SLC1A7: variants seen among roughly 807,000 people sequenced by gnomAD.
SLC1A7 encodes excitatory amino acid transporter 5.
Under a neutral mutation model 47.7 loss-of-function variants are expected in SLC1A7, and 40 were observed. The ratio of observed to expected loss-of-function variants is 0.84; its 90% CI spans 0.65 to 1.09. SLC1A7 has a LOEUF of 1.09. Ranked by LOEUF, SLC1A7 falls within the 50% of genes least tolerant of loss-of-function variation. SLC1A7 has a pLI of 0.00. For synonymous variants in SLC1A7, 323 were observed against 325.6 expected, an observed-to-expected ratio of 0.99 and a Z score of 0.09; for missense variants, 746 against 769.5, an observed-to-expected ratio of 0.97 and a Z score of 0.36.
chr1:53,124,684 G>T (rs1238946045), intron 2 of SLC1A7, among the ~76,000 whole-genome samples: 1 of 151,988 alleles, frequency 6.6e-6, no homozygotes, highest in African/African-American at 2.4e-5. Flanking sequence ...GCACCTGCCG[G>T]GACCTGCTTT....
At chr1:53,090,452 G>C in intron 8 of SLC1A7, 160 bp downstream of exon 8, 1 of 1,179,574 alleles carries the variant, frequency 8.5e-7, no homozygotes, top group Non-Finnish European at 1.1e-6. Flanking sequence ...CTCCCTCCCG[G>C]GCTGTCCTCC....
chr1:53,103,752 A>G, intron 4 of SLC1A7, 184 bp from the exon 5 acceptor site: 3 of 499,708 alleles, frequency 6.0e-6, no homozygotes, highest in South Asian at 6.7e-5. Context: ...GAAAGCTGCA[A>G]CTCCTTCCTC....
rs748133017 is a variant in SLC1A7, at chr1:53,103,467, GC to G, written c.575del (p.Gly192AlafsTer11). ...CCAGGGCGAAGTTCTGCACATGGGA[GC>G]CATTCTCCTCCTGGACCCCGTAGAT... is the stretch of plus-strand genomic sequence containing the variant. ...ILIYGVQEENGSHVQNFALDL... is the reference protein window; with the variant it reads ...ILIYGVQEENXSHVQNFALDL... On this transcript the variant is annotated frameshift_variant, in exon 5 of 11. Transcript: ENST00000371494. LOFTEE classifies it high-confidence loss of function. 2.5e-6 allele frequency: 4 copies of G among 1,613,134 alleles called. No homozygotes were observed. In the South Asian group the frequency reaches 4.4e-5, roughly 18 times the overall value.
At chr1:53,100,215 A>C (rs997186193) in intron 5 of SLC1A7, among the ~76,000 whole-genome samples, 69 of 128,098 alleles carry the variant, frequency 5.4e-4, no homozygotes, top group Non-Finnish European at 9.8e-4. Context: ...CACACACCCC[A>C]CCTTGGTACA....
At chr1:53,136,369 A>C (rs1308153711) in intron 1 of SLC1A7, among the ~76,000 whole-genome samples, 1 of 147,106 alleles carries the variant, frequency 6.8e-6, no homozygotes, top group African/African-American at 2.5e-5. Flanking sequence ...AAATTTGTGT[A>C]TTTTAGTAGA....
At chr1:53,092,455 T>G in intron 7 of SLC1A7, 99 bp downstream of exon 7, 1 of 867,988 alleles carries the variant, frequency 1.2e-6, no homozygotes. Context: ...CACACTGGCG[T>G]TTTGGTGGTT....
intron 2 of SLC1A7, among the ~76,000 whole-genome samples, chr1:53,132,923 A>C (rs942912327): frequency 6.6e-6 from 1 of 152,166 alleles, no homozygotes; most frequent in Non-Finnish European, 1.5e-5. Flanking sequence ...TGAAGTATGG[A>C]GCTCACAGGA....
chr1:53,113,660 G>A (rs1257423273), intron 3 of SLC1A7, among the ~76,000 whole-genome samples: 1 of 151,988 alleles, frequency 6.6e-6, no homozygotes, highest in African/African-American at 2.4e-5. Flanking sequence ...CTGCAACTCT[G>A]ATCCCTGGTC....
intron 4 of SLC1A7, 106 bp downstream of exon 4, chr1:53,105,626 G>A (rs543117932): frequency 1.1e-6 from 1 of 909,472 alleles, no homozygotes; most frequent in African/African-American, 1.6e-5. Flanking sequence ...CAGACAGCGT[G>A]ACTGGCCAGC....
Position 53,092,745 on chromosome 1 carries a change from G to A in SLC1A7, c.840C>T (p.Ile280=). The change falls in exon 7 of 11, where the codon ATC becomes ATT. Residue 280 remains isoleucine, a synonymous_variant. Transcript: ENST00000371494. ...FGIVFLIAGK[I]LEMDDPRAVG... ...CGGCCCTGGGGTCGTCCATCTCCAG[G>A]ATCTTACCCGCAATGAGGAACACAA... 1 of 1,613,938 alleles carries A rather than the reference G, an allele frequency of 6.2e-7. No individual in the cohort carries two copies. Among genetic ancestry groups the A allele is most frequent in the Non-Finnish European group, 8.5e-7 (1 of 1,179,934 alleles).
chr1:53,089,874 G>A lies in SLC1A7; in HGVS notation c.1287C>T (p.Thr429=), dbSNP rs1354729832. Residue 429 remains threonine (T), a synonymous_variant, in exon 9 of 11, where the codon ACC becomes ACT. Coordinates refer to ENST00000371494, the MANE Select transcript of SLC1A7 (RefSeq NM_006671.6). Reference sequence around the variant, plus strand: ...CCACGGAGGTGAGCACGATGACCATGGTGACGAGGCCGGCCTGGGGGATGC... The same window carrying A: ...CCACGGAGGTGAGCACGATGACCATAGTGACGAGGCCGGCCTGGGGGATGC... ...AAGIPQAGLV[T]MVIVLTSVGL... 1 of 1,613,932 alleles carries A rather than the reference G, an allele frequency of 6.2e-7. No individual in the cohort carries two copies. Among genetic ancestry groups the A allele is most frequent in the East Asian group, 2.2e-5 (1 of 44,880 alleles).
chr1:53,129,450 G>T (rs896910935), intron 2 of SLC1A7, among the ~76,000 whole-genome samples: 1 of 144,036 alleles, frequency 6.9e-6, no homozygotes, highest in Non-Finnish European at 1.5e-5. Context: ...CTGCTCCCCC[G>T]CCACATTGTG....
At position 53,122,514 on chromosome 1, in the gene SLC1A7, G is replaced by T. The variant is rs1386073745; in HGVS notation, c.216-7541C>A. On this transcript the variant is annotated intron_variant, in intron 2 of 10. Transcript: ENST00000371494. ...TTCTTTTCCCCTGAGCAGAAGGCAGGCCCAACAGCTGACAGCCAGTGCCAT... is the reference window on the plus strand; with the variant it reads ...TTCTTTTCCCCTGAGCAGAAGGCAGTCCCAACAGCTGACAGCCAGTGCCAT... 2.0e-5 allele frequency among the ~76,000 whole-genome samples: 3 copies of T among 152,274 alleles called. No individual in the cohort carries two copies. In the South Asian group the frequency reaches 6.2e-4, roughly 32 times the overall value.
chr1:53,123,732 G>T (rs61768148), intron 2 of SLC1A7, among the ~76,000 whole-genome samples: 22,547 of 152,272 alleles, frequency 0.15, 2,174 homozygotes, highest in Admixed American at 0.28. Flanking sequence ...TGTGGTGCAG[G>T]ATAAAGCCTG....
chr1:53,100,172 T>C, intron 5 of SLC1A7, among the ~76,000 whole-genome samples: 1 of 125,750 alleles, frequency 8.0e-6, no homozygotes, highest in African/African-American at 3.2e-5. Context: ...ACACACCACC[T>C]CAGTACATTC....
chr1:53,105,554 A>G (rs13376214), intron 4 of SLC1A7, among the ~76,000 whole-genome samples, 178 bp downstream of exon 4: 1 of 152,028 alleles, frequency 6.6e-6, no homozygotes, highest in Non-Finnish European at 1.5e-5. Context: ...GGATGTGGCC[A>G]TGGGGGTCTC....
chr1:53,134,517 A>C, intron 1 of SLC1A7, 88 bp from the exon 2 acceptor site: 1 of 793,690 alleles, frequency 1.3e-6, no homozygotes, highest in Non-Finnish European at 2.1e-6. Flanking sequence ...GCACTATCCC[A>C]TCTGACTCCC....
intron 2 of SLC1A7, among the ~76,000 whole-genome samples, chr1:53,127,984 A>G (rs1644901277): frequency 6.6e-6 from 1 of 152,224 alleles, no homozygotes; most frequent in Admixed American, 6.5e-5. Context: ...TGAGGCAACC[A>G]TGAAGTGTGT....
At chr1:53,105,479 G>T (rs762613026) in intron 4 of SLC1A7, among the ~76,000 whole-genome samples, 3 of 152,156 alleles carry the variant, frequency 2.0e-5, no homozygotes, top group Non-Finnish European at 4.4e-5. Flanking sequence ...AGCAGAGCAG[G>T]CACTCAGTGA....
Sources: allele counts gnomAD v4.1 joint callset (sites outside exome capture counted in the v4.1 genomes callset), GRCh38; gene constraint gnomAD v4.1.1; transcripts MANE v1.5; gene names NCBI Gene and HGNC (gene_info 2026-07-23, HGNC 2026-07-21).